NCOR2: variants seen among roughly 807,000 people sequenced by gnomAD.
NCOR2 encodes CTG repeat protein 26.
Under a neutral mutation model 262.9 loss-of-function variants are expected in NCOR2, and 81 were observed. The ratio of observed to expected loss-of-function variants is 0.31; its 90% CI spans 0.26 to 0.37. The LOEUF (loss-of-function observed/expected upper bound fraction) is 0.37. Ranked by LOEUF, NCOR2 falls within the 10% of genes least tolerant of loss-of-function variation. The pLI, the probability that NCOR2 is intolerant of heterozygous loss-of-function variation, is 1.00. For synonymous variants in NCOR2, 1,659 were observed against 1,559.3 expected, an observed-to-expected ratio of 1.06 and a Z score of -1.51; for missense variants, 3,385 against 3,621.4, an observed-to-expected ratio of 0.93 and a Z score of 1.68.
chr12:124,530,541 T>C (rs1316304215), intron 1 of NCOR2, among the ~76,000 whole-genome samples: 1 of 152,198 alleles, frequency 6.6e-6, no homozygotes, highest in Admixed American at 6.5e-5. Flanking sequence ...CCAGGGACTA[T>C]TTCCTCACTT....
At position 124,481,729 on chromosome 12, in the gene NCOR2, A is replaced by AT. The variant is rs373784532; in HGVS notation, c.411+1866dup. Among the ~76,000 whole-genome samples the AT allele has an allele frequency of 4.0e-3, 614 of 152,174 alleles. 3 individuals carry two copies. Among genetic ancestry groups the AT allele is most frequent in the African/African-American group, 0.014 (586 of 41,502 alleles). ...GCCGGACCTGCAGCCCATGGCAAGG[A>AT]TTTTGGCTTTTTCCTGCTTGAGACA... On this transcript the variant is annotated intron_variant, in intron 3 of 46. Transcript: ENST00000405201. This position sits in a 1 kb window ranked among gnomAD's most constrained non-coding sequence, Gnocchi z 4.6.
upstream of NCOR2, chr12:124,537,982 C>T (rs1221982075): frequency 1.3e-5 from 2 of 152,356 alleles, no homozygotes; most frequent in Non-Finnish European, 2.9e-5. Context: ...TCACAGCCGC[C>T]CTCCCCAGCT....
intron 1 of NCOR2, among the ~76,000 whole-genome samples, chr12:124,501,062 GCACA>G (rs3040848): frequency 0.085 from 12,523 of 147,406 alleles, 764 homozygotes; most frequent in African/African-American, 0.16. Context: ...GCGCACGCGC[GCACA>G]CACACACACA....
At chr12:124,412,381 C>G (rs2042630764) in intron 13 of NCOR2, among the ~76,000 whole-genome samples, 1 of 152,240 alleles carries the variant, frequency 6.6e-6, no homozygotes, top group African/African-American at 2.4e-5. Context: ...TGCTGCTGGG[C>G]TGTGGTTAAG....
chr12:124,422,624 TCCCAGGCGCCTGCCATCCCCACTGGCC>T (rs2043279172), intron 11 of NCOR2, 69 bp from the exon 14 acceptor site: 44 of 1,580,696 alleles, frequency 2.8e-5, no homozygotes, highest in Non-Finnish European at 3.6e-5. Context: ...GCCGATCGGC[TCCCAGGCGCCTGCCATCCCCACTGGCC>T]GGGCCTGGCG....
At chr12:124,557,445 T>C (rs2051919350) in intron 1 of NCOR2, among the ~76,000 whole-genome samples, 1 of 152,168 alleles carries the variant, frequency 6.6e-6, no homozygotes, top group Non-Finnish European at 1.5e-5. Context: ...CTGCCTCCAT[T>C]ATCGCACGGC....
At position 124,457,230 on chromosome 12, in the gene NCOR2, C is replaced by A; in HGVS notation, c.706-68G>T. On this transcript the variant is annotated intron_variant, in intron 5 of 46. Transcript: ENST00000405201. This position sits in a 1 kb window ranked among gnomAD's most constrained non-coding sequence, Gnocchi z 4.0. Reference sequence around the variant, plus strand: ...AAAAAACACAGATTATAAATAGAGGCTTCCCGGAGCAGCGGGCACCTGCCC... The same window carrying A: ...AAAAAACACAGATTATAAATAGAGGATTCCCGGAGCAGCGGGCACCTGCCC... 2 of 1,466,574 alleles carry A rather than the reference C, an allele frequency of 1.4e-6. No homozygotes were observed. Among genetic ancestry groups the A allele is most frequent in the Non-Finnish European group, 1.8e-6 (2 of 1,107,762 alleles). 90.8% of individuals were successfully genotyped at this position (1,466,574 alleles called of 1,614,324 possible).
chr12:124,499,022 A>G (rs568661419), upstream of NCOR2, among the ~76,000 whole-genome samples: 1 of 152,390 alleles, frequency 6.6e-6, no homozygotes, highest in African/African-American at 2.4e-5. Flanking sequence ...ACAGGGTTTT[A>G]CAGGGCAGTG....
At chr12:124,429,036 G>T (rs2043758927) in intron 10 of NCOR2, among the ~76,000 whole-genome samples, 1 of 152,226 alleles carries the variant, frequency 6.6e-6, no homozygotes, top group Non-Finnish European at 1.5e-5. Flanking sequence ...GGTCACCTAG[G>T]CTGACCCCAG....
At chr12:124,491,863 G>A (rs1233510703) in intron 1 of NCOR2, among the ~76,000 whole-genome samples, 1 of 152,208 alleles carries the variant, frequency 6.6e-6, no homozygotes, top group Non-Finnish European at 1.5e-5. Flanking sequence ...GTCACGGAGA[G>A]AAGCTGGGCC....
rs1476551973 is a variant in NCOR2, at chr12:124,549,390, C to T, written c.-164-13779G>A. Reference sequence around the variant, plus strand: ...TAAGCCGCCTGCTCAGGTTCACGTTCGGGATCAAATGAACCCACTTAATCC... The same window carrying T: ...TAAGCCGCCTGCTCAGGTTCACGTTTGGGATCAAATGAACCCACTTAATCC... On this transcript the variant is annotated intron_variant, in intron 1 of 32. Transcript: ENST00000458234. The surrounding 1 kb of genome is among the most constrained non-coding windows in gnomAD (Gnocchi z 4.4). Among the ~76,000 whole-genome samples the T allele has an allele frequency of 6.6e-6, 1 of 152,170 alleles. No homozygotes were observed. The highest frequency in any genetic ancestry group is 1.5e-5 in the Non-Finnish European group (1 of 68,026).
chr12:124,426,799 T>A, exon 11 of NCOR2: 2 of 1,574,500 alleles, frequency 1.3e-6, no homozygotes, highest in Non-Finnish European at 1.7e-6. Flanking sequence ...CTTCTCCAGG[T>A]TCTGCAGGGA....
intron 1 of NCOR2, among the ~76,000 whole-genome samples, chr12:124,493,994 A>G (rs2048238570): frequency 6.6e-6 from 1 of 152,198 alleles, no homozygotes; most frequent in African/African-American, 2.4e-5. Flanking sequence ...GACTCTGCCC[A>G]GGGAACTGCC....
At chr12:124,402,308 G>C in intron 14 of NCOR2, 96 bp downstream of exon 16, 5 of 1,560,538 alleles carry the variant, frequency 3.2e-6, no homozygotes, top group Non-Finnish European at 4.3e-6. Context: ...CAATTGGTGG[G>C]CACCCCACCC....
At chr12:124,470,321 T>C (rs2046766454) in intron 4 of NCOR2, among the ~76,000 whole-genome samples, 3 of 152,228 alleles carry the variant, frequency 2.0e-5, no homozygotes, top group Non-Finnish European at 2.9e-5. Context: ...CTAGAGTTAC[T>C]GTACGACACG....
chr12:124,354,861 G>A (rs2037824856), exon 25 of NCOR2: 1 of 1,612,612 alleles, frequency 6.2e-7, no homozygotes, highest in Non-Finnish European at 8.5e-7. Flanking sequence ...TCCATGGGCA[G>A]GGGCAGCCCC....
chr12:124,342,994 A>G lies in NCOR2; in HGVS notation c.4936+11T>C, dbSNP rs1555301781. The G allele has an allele frequency of 5.6e-6, 9 of 1,609,956 alleles. 1 individual carries two copies. The South Asian group carries it at 9.9e-5, about 18-fold the overall frequency. ...ACCACTGCAGGGTTCTGGGAGCCCC[A>G]GGGCAATCACCTGCGTCCAGAGGGA... is the stretch of plus-strand genomic sequence containing the variant. On this transcript the variant is annotated intron_variant, in intron 33 of 46. Coordinates refer to ENST00000405201, the Ensembl canonical transcript of NCOR2.
chr12:124,427,899 C>G (rs968911812), intron 10 of NCOR2, among the ~76,000 whole-genome samples: 1 of 152,182 alleles, frequency 6.6e-6, no homozygotes, highest in Admixed American at 6.5e-5. Flanking sequence ...GCCCAGCCCC[C>G]TCCCTTGCAC....
chr12:124,510,469 T>G (rs1025829005), intron 1 of NCOR2, among the ~76,000 whole-genome samples: 4 of 152,210 alleles, frequency 2.6e-5, no homozygotes, highest in African/African-American at 9.6e-5. Context: ...AGCGCCCCCG[T>G]GAGGGATTCT....
Sources: allele counts gnomAD v4.1 joint callset (sites outside exome capture counted in the v4.1 genomes callset), GRCh38; gene constraint gnomAD v4.1.1; non-coding constraint Gnocchi (gnomAD v3.1); transcripts MANE v1.5; gene names NCBI Gene and HGNC (gene_info 2026-07-23, HGNC 2026-07-21).